The following CHRNB3 variants were observed in gnomAD, a reference collection of about 807,000 sequenced individuals.
CHRNB3 encodes neuronal acetylcholine receptor subunit beta-3.
CHRNB3 carries 37 observed loss-of-function variants against 40.6 expected under a neutral mutation model. The ratio of observed to expected loss-of-function variants is 0.91; its 90% confidence interval spans 0.70 to 1.20. CHRNB3 has a LOEUF of 1.20. CHRNB3 is among the 50% of genes most tolerant of loss of function. CHRNB3 has a pLI of 0.00. For missense variants in CHRNB3, 505 were observed against 551.2 expected, an observed-to-expected ratio of 0.92 and a Z score of 0.84; for synonymous variants, 207 against 207.1, an observed-to-expected ratio of 1.00 and a Z score of 0.00.
chr8:42,736,805 C>A lies in CHRNB3; in HGVS notation c.*187C>A. ...TTGTGGTTGCCATGAGAGTGAGCTG[C>A]TTTTAAAGAAAGTGGAGCCTCCTCA... On this transcript the variant is annotated 3_prime_UTR_variant, in exon 6 of 6. Coordinates refer to ENST00000289957, the MANE Select transcript of CHRNB3 (RefSeq NM_000749.5). 1 of 709,756 alleles carries A rather than the reference C, an allele frequency of 1.4e-6. No homozygotes were observed. Among genetic ancestry groups the A allele is most frequent in the Non-Finnish European group, 2.3e-6 (1 of 432,388 alleles). 44.0% of individuals were successfully genotyped at this position (709,756 alleles called of 1,614,324 possible).
intron 2 of CHRNB3, 29 bp from the exon 3 acceptor site, chr8:42,710,361 C>T: frequency 6.6e-7 from 1 of 1,523,478 alleles, no homozygotes; most frequent in Non-Finnish European, 9.0e-7. Context: ...CTTCAACTTA[C>T]AGTATTTTTT....
intron 5 of CHRNB3, among the ~76,000 whole-genome samples, chr8:42,733,928 A>G (rs866749717): frequency 1.3e-5 from 2 of 150,950 alleles, no homozygotes; most frequent in Middle Eastern, 3.4e-3. Flanking sequence ...CAGTGGAATG[A>G]AAATATTATT....
chr8:42,728,365 G>A (rs1233646390), intron 3 of CHRNB3, among the ~76,000 whole-genome samples: 2 of 151,912 alleles, frequency 1.3e-5, no homozygotes, highest in Non-Finnish European at 2.9e-5. Flanking sequence ...TTTCTACAAA[G>A]CAAAACAATT....
At position 42,697,414 on chromosome 8, in the gene CHRNB3, C is replaced by T; in HGVS notation, c.-133C>T. On this transcript the variant is annotated 5_prime_UTR_variant, in exon 1 of 6. Coordinates refer to ENST00000289957, the MANE Select transcript of CHRNB3 (RefSeq NM_000749.5). ...GGGGTTGAGATTGTTTTATTCCACT[C>T]CAGGTGTTGCTGTCCTCTTGGGTTC... 1 of 699,638 alleles carries T rather than the reference C, an allele frequency of 1.4e-6. No individual in the cohort carries two copies. Among genetic ancestry groups the T allele is most frequent in the Non-Finnish European group, 2.6e-6 (1 of 388,512 alleles). The allele number at this position is 699,638 out of a possible 1,614,324, so 43.3% of individuals were successfully genotyped here.
chr8:42,701,697 T>G (rs1224770203), intron 1 of CHRNB3, among the ~76,000 whole-genome samples: 1 of 152,190 alleles, frequency 6.6e-6, no homozygotes, highest in East Asian at 1.9e-4. Flanking sequence ...CACAGAGGTG[T>G]CTCTCCAATC....
intron 1 of CHRNB3, among the ~76,000 whole-genome samples, chr8:42,698,351 C>G (rs989618422): frequency 6.6e-6 from 1 of 152,120 alleles, no homozygotes; most frequent in African/African-American, 2.4e-5. Context: ...AAAGTTTTCC[C>G]CCATTGAATC....
At position 42,737,136 on chromosome 8, in the gene CHRNB3, G is replaced by A; in HGVS notation, c.*518G>A. 6.4e-6 allele frequency: 1 copy of A among 155,766 alleles called. No individual in the cohort carries two copies. The highest frequency in any genetic ancestry group is 1.4e-5 in the Non-Finnish European group (1 of 70,320). The allele number at this position is 155,766 out of a possible 1,614,324, so 9.6% of individuals were successfully genotyped here. On this transcript the variant is annotated 3_prime_UTR_variant, in exon 6 of 6. Coordinates refer to ENST00000289957, the MANE Select transcript of CHRNB3 (RefSeq NM_000749.5). ...AATGGGCCAGGCAAATCTCAACAAG[G>A]GTTTGGGGATTACACTGGCAGGATA...
At chr8:42,720,085 G>A (rs952214837) in intron 3 of CHRNB3, among the ~76,000 whole-genome samples, 3 of 118,612 alleles carry the variant, frequency 2.5e-5, no homozygotes, top group Admixed American at 2.0e-4. Flanking sequence ...CCTTCCCCAC[G>A]CAACCCTGCC....
chr8:42,697,456 C>A lies in CHRNB3; in HGVS notation c.-91C>A, dbSNP rs1228186961. On this transcript the variant is annotated 5_prime_UTR_variant, in exon 1 of 6. Transcript: ENST00000289957. ...CTTGGGTTCCACTTCGGATTTTGAA[C>A]CCCTGTATTTTCTTTTCAAAACCCC... is the stretch of plus-strand genomic sequence containing the variant. 3 of 1,113,936 alleles carry A rather than the reference C, an allele frequency of 2.7e-6. No individual in the cohort carries two copies. The highest frequency in any genetic ancestry group is 4.1e-6 in the Non-Finnish European group (3 of 730,414). 69.0% of individuals were successfully genotyped at this position (1,113,936 alleles called of 1,614,324 possible).
At chr8:42,735,212 T>G (rs1228324093) in intron 5 of CHRNB3, among the ~76,000 whole-genome samples, 2 of 149,724 alleles carry the variant, frequency 1.3e-5, no homozygotes, top group African/African-American at 5.0e-5. Flanking sequence ...AGAGCAAGAC[T>G]CCGTCTCAAA....
intron 1 of CHRNB3, among the ~76,000 whole-genome samples, chr8:42,698,150 A>AGGAATTTT (rs1315401743): frequency 6.6e-6 from 1 of 152,208 alleles, no homozygotes; most frequent in Non-Finnish European, 1.5e-5. Context: ...CTGAAAATAG[A>AGGAATTTT]GGAATTTTTG....
chr8:42,731,008 A>ACTGCAGT (rs1816406121), intron 4 of CHRNB3, among the ~76,000 whole-genome samples: 1 of 137,950 alleles, frequency 7.2e-6, no homozygotes, highest in Admixed American at 7.0e-5. Flanking sequence ...AGATTGCGCC[A>ACTGCAGT]CTGCAGTCCG....
chr8:42,701,226 C>CAAA (rs58800727), intron 1 of CHRNB3, among the ~76,000 whole-genome samples: 15 of 71,478 alleles, frequency 2.1e-4, no homozygotes, highest in East Asian at 1.6e-3. Flanking sequence ...GACTCTGTCT[C>CAAA]AAAAAAAAAA....
intron 3 of CHRNB3, among the ~76,000 whole-genome samples, chr8:42,721,054 G>A (rs559914295): frequency 4.6e-5 from 7 of 152,328 alleles, no homozygotes; most frequent in African/African-American, 1.4e-4. Context: ...TGGACCTGGA[G>A]CATGACAGCA....
intron 5 of CHRNB3, among the ~76,000 whole-genome samples, chr8:42,734,259 CA>C (rs769371275): frequency 0.03 from 710 of 23,968 alleles, no homozygotes; most frequent in African/African-American, 0.053. Flanking sequence ...GACTCCATCT[CA>C]AAAAAAAAAA....
At chr8:42,711,736 T>G (rs1199750358) in intron 3 of CHRNB3, among the ~76,000 whole-genome samples, 2 of 152,172 alleles carry the variant, frequency 1.3e-5, no homozygotes, top group African/African-American at 4.8e-5. Flanking sequence ...CAGGTTTGTT[T>G]CATGGATATA....
intron 1 of CHRNB3, among the ~76,000 whole-genome samples, chr8:42,702,139 G>A (rs966649033): frequency 6.6e-6 from 1 of 152,114 alleles, no homozygotes; most frequent in Non-Finnish European, 1.5e-5. Flanking sequence ...TGAGCTCAGT[G>A]CACAGGAGAT....
intron 3 of CHRNB3, among the ~76,000 whole-genome samples, chr8:42,718,558 A>G (rs1816160901): frequency 2.0e-5 from 3 of 151,626 alleles, no homozygotes; most frequent in African/African-American, 7.3e-5. Flanking sequence ...CTGTAGTCCC[A>G]GCTACTCGGG....
chr8:42,708,189 G>T (rs144583836), intron 1 of CHRNB3, among the ~76,000 whole-genome samples: 1 of 152,150 alleles, frequency 6.6e-6, no homozygotes, highest in Non-Finnish European at 1.5e-5. Flanking sequence ...ATTCTGGGCC[G>T]GGCGTGGTGG....
Sources: gnomAD v4.1 joint callset for allele counts (sites outside exome capture counted in the v4.1 genomes callset) on GRCh38, gnomAD v4.1.1 for gene constraint, MANE v1.5 for transcripts, NCBI Gene and HGNC (gene_info 2026-07-23, HGNC 2026-07-21) for gene names.